ESCO2: variants seen among roughly 807,000 people sequenced by gnomAD.
The protein encoded by ESCO2 is establishment of sister chromatid cohesion N-acetyltransferase 2.
A neutral mutation model predicts 61.7 loss-of-function variants in ESCO2; 51 were observed. That is an observed-to-expected ratio of 0.83 (90% CI 0.66 to 1.04). The LOEUF (loss-of-function observed/expected upper bound fraction) is 1.04. Ranked by LOEUF, ESCO2 falls within the 50% of genes least tolerant of loss-of-function variation. The probability of loss-of-function intolerance (pLI) is 0.00; values close to 1 mark genes in which losing one functional copy is unlikely to be tolerated. For synonymous variants in ESCO2, 230 were observed against 238.2 expected, an observed-to-expected ratio of 0.97 and a Z score of 0.32; for missense variants, 692 against 686.2, an observed-to-expected ratio of 1.01 and a Z score of -0.09.
intron 4 of ESCO2, 118 bp downstream of exon 4, chr8:27,780,385 AG>A: frequency 2.8e-6 from 2 of 704,336 alleles, no homozygotes; most frequent in Non-Finnish European, 5.0e-6. Context: ...GCCTGTGGTT[AG>A]TATCTTTGTT....
downstream of ESCO2, among the ~76,000 whole-genome samples, chr8:27,806,523 A>G (rs1805566753): frequency 6.6e-6 from 1 of 152,166 alleles, no homozygotes; most frequent in Non-Finnish European, 1.5e-5. Context: ...GCTACCAACA[A>G]CAAAAAAGCC....
In ESCO2 at chr8:27,776,739, T is replaced by G. The variant is rs1804801199; in HGVS notation, c.431T>G (p.Leu144Ter). The G allele has an allele frequency of 6.2e-7, 1 of 1,613,884 alleles. No homozygotes were observed. Among genetic ancestry groups the G allele is most frequent in the Non-Finnish European group, 8.5e-7 (1 of 1,180,012 alleles). ...KKNNKKPQKS[L>*]TAKYQPKYRH... is the part of the protein sequence containing the mutation. ...AACAACAAAAAACCACAGAAGAGTT[T>G]AACTGCTAAGTATCAACCAAAGTAT... is the stretch of plus-strand genomic sequence containing the variant. Residue 144 changes from leucine to a stop codon, truncating the protein, a stop_gained, in exon 3 of 11, where the codon TTA (leucine) becomes TGA (stop). Transcript: ENST00000305188. LOFTEE classifies it high-confidence loss of function.
At chr8:27,783,502 A>C (rs922519177) in intron 4 of ESCO2, among the ~76,000 whole-genome samples, 1 of 152,160 alleles carries the variant, frequency 6.6e-6, no homozygotes, top group Non-Finnish European at 1.5e-5. Context: ...TAAATATATT[A>C]TGCTTTCGCT....
At chr8:27,789,349 T>C (rs1563475589) in intron 7 of ESCO2, among the ~76,000 whole-genome samples, 1 of 152,224 alleles carries the variant, frequency 6.6e-6, no homozygotes, top group East Asian at 1.9e-4. Flanking sequence ...ATCTTTATGA[T>C]TGTACCTGCT....
chr8:27,803,475 A>G lies in ESCO2; in HGVS notation c.*37A>G. 2.5e-6 allele frequency: 4 copies of G among 1,608,630 alleles called. No homozygotes were observed. Among genetic ancestry groups the G allele is most frequent in the South Asian group, 2.2e-5 (2 of 90,604 alleles). On this transcript the variant is annotated 3_prime_UTR_variant, in exon 11 of 11. Transcript: ENST00000305188. ...GTTATAAAGGAGTTACTATCTGGAT[A>G]AGTTCAAAGAGCTCCTTATTATAAA...
intron 7 of ESCO2, 94 bp downstream of exon 7, chr8:27,789,072 A>G: frequency 6.7e-7 from 1 of 1,492,032 alleles, no homozygotes; most frequent in Non-Finnish European, 9.2e-7. Context: ...CGGAAAAGTT[A>G]ACTTTTAATG....
chr8:27,806,420 T>C (rs1327960914), downstream of ESCO2, among the ~76,000 whole-genome samples: 4 of 152,190 alleles, frequency 2.6e-5, no homozygotes, highest in Non-Finnish European at 4.4e-5. Context: ...ATGTTTGCTA[T>C]AGTATTAGTA....
Position 27,803,210 on chromosome 8 carries a change from G to A in ESCO2, c.1674-96G>A. Reference sequence around the variant, plus strand: ...CATTTTTTCACTTACTAAAAATAAGGTTGATTTAAGTCAAGAGTATTTACT... The same window carrying A: ...CATTTTTTCACTTACTAAAAATAAGATTGATTTAAGTCAAGAGTATTTACT... On this transcript the variant is annotated intron_variant, in intron 10 of 10. Transcript: ENST00000305188. 3 of 1,090,396 alleles carry A rather than the reference G, an allele frequency of 2.8e-6. No individual in the cohort carries two copies. In the South Asian group the frequency reaches 3.9e-5, roughly 14 times the overall value. 67.5% of individuals were successfully genotyped at this position (1,090,396 alleles called of 1,614,324 possible).
chr8:27,792,510 G>C (rs1647797637), intron 8 of ESCO2, among the ~76,000 whole-genome samples, 158 bp from the exon 9 acceptor site: 1 of 152,152 alleles, frequency 6.6e-6, no homozygotes, highest in South Asian at 2.1e-4. Flanking sequence ...GCAGCTACAT[G>C]CATCAATAGT....
downstream of ESCO2, chr8:27,811,224 A>G (rs1055485804): frequency 3.6e-5 from 38 of 1,052,374 alleles, no homozygotes; most frequent in Non-Finnish European, 4.7e-5. Flanking sequence ...GATTTGAACA[A>G]GTAGTTCACA....
At position 27,799,570 on chromosome 8, in the gene ESCO2, T is replaced by C; in HGVS notation, c.1527T>C (p.Gly509=). ...QAFRVLSEPI[G]PESPSSTECP... The stretch of plus-strand genomic sequence containing the variant: ...TTCGTGTCCTGTCTGAACCAATTGG[T>C]CCAGAATCCCCAAGCTCTACGGAAT... The change falls in exon 10 of 11, where the codon GGT becomes GGC. Residue 509 remains glycine, a synonymous_variant. Transcript: ENST00000305188. 1 of 1,613,970 alleles carries C rather than the reference T, an allele frequency of 6.2e-7. No homozygotes were observed. The highest frequency in any genetic ancestry group is 8.5e-7 in the Non-Finnish European group (1 of 1,179,976).
downstream of ESCO2, among the ~76,000 whole-genome samples, chr8:27,808,684 C>CAAA (rs34162059): frequency 0.026 from 2,813 of 106,474 alleles, 160 homozygotes; most frequent in African/African-American, 0.097. Flanking sequence ...GACCCTGTCT[C>CAAA]AAAAAAAAAA....
At chr8:27,799,362 A>G (rs546017311) in intron 9 of ESCO2, among the ~76,000 whole-genome samples, 179 bp from the exon 10 acceptor site, 91 of 152,312 alleles carry the variant, frequency 6.0e-4, no homozygotes, top group Non-Finnish European at 1.0e-3. Context: ...TCTCAACACC[A>G]CTAGTTTTTT....
chr8:27,772,549 G>T (rs1330105961), upstream of ESCO2: 1 of 1,549,278 alleles, frequency 6.5e-7, no homozygotes, highest in Non-Finnish European at 8.7e-7. Context: ...ATGATCCCGG[G>T]AGCGGTGCGG....
downstream of ESCO2, chr8:27,811,076 C>T (rs751148854): frequency 3.1e-6 from 5 of 1,613,422 alleles, no homozygotes; most frequent in Non-Finnish European, 4.2e-6. Flanking sequence ...CATTCTCCTC[C>T]ACAGCTTCTT....
At chr8:27,794,465 G>A (rs1027160422) in intron 9 of ESCO2, among the ~76,000 whole-genome samples, 1 of 151,996 alleles carries the variant, frequency 6.6e-6, no homozygotes, top group South Asian at 2.1e-4. Flanking sequence ...TTGTTTTCTT[G>A]GTATTGGGTT....
chr8:27,772,353 T>TGGGAGGGACGGATGTGCTGGGGGACC (rs1804657677), upstream of ESCO2, among the ~76,000 whole-genome samples: 1 of 151,980 alleles, frequency 6.6e-6, no homozygotes, highest in Non-Finnish European at 1.5e-5. Context: ...CCTGCAGCCG[T>TGGGAGGGACGGATGTGCTGGGGGACC]GGGAGGGACG....
chr8:27,817,472 T>C (rs1163302253), downstream of ESCO2, among the ~76,000 whole-genome samples: 2 of 152,164 alleles, frequency 1.3e-5, no homozygotes, highest in East Asian at 1.9e-4. Context: ...GCAGATTTAA[T>C]GTGTTAGTAT....
chr8:27,802,097 G>A (rs1805442113), intron 10 of ESCO2, among the ~76,000 whole-genome samples: 1 of 148,136 alleles, frequency 6.8e-6, no homozygotes, highest in Non-Finnish European at 1.5e-5. Context: ...TTTGAAGAGT[G>A]CAAGTCAGTT....
Sources: allele counts gnomAD v4.1 joint callset (sites outside exome capture counted in the v4.1 genomes callset), GRCh38; gene constraint gnomAD v4.1.1; transcripts MANE v1.5; gene names NCBI Gene and HGNC (gene_info 2026-07-23, HGNC 2026-07-21).